The following PHACTR2 variants were observed in gnomAD, a reference collection of about 807,000 sequenced individuals.
PHACTR2 encodes phosphatase and actin regulator 2.
PHACTR2 carries 30 observed loss-of-function variants against 76.0 expected under a neutral mutation model. That is an observed-to-expected ratio of 0.39 (90% CI 0.30 to 0.54). The LOEUF is 0.54. PHACTR2 is among the 20% of genes least tolerant of loss of function. The probability of loss-of-function intolerance (pLI) is 0.61; values close to 1 mark genes in which losing one functional copy is unlikely to be tolerated. For missense variants in PHACTR2, 696 were observed against 781.1 expected (o/e 0.89, Z 1.30); for synonymous variants, 292 against 292.5 (o/e 1.00, Z 0.02).
At chr6:143,613,011 T>C (rs1477296800) in intron 1 of PHACTR2, among the ~76,000 whole-genome samples, 2 of 152,252 alleles carry the variant, frequency 1.3e-5, no homozygotes, top group African/African-American at 2.4e-5. Flanking sequence ...GACGGAGTCT[T>C]GCTCTGTCGC....
At chr6:143,622,646 A>T (rs1301652456) in intron 1 of PHACTR2, among the ~76,000 whole-genome samples, 1 of 152,258 alleles carries the variant, frequency 6.6e-6, no homozygotes, top group Non-Finnish European at 1.5e-5. Flanking sequence ...AGAGAAATGT[A>T]GCCAAATGCA....
chr6:143,564,196 C>CAT (rs59017997), intron 1 of PHACTR2, among the ~76,000 whole-genome samples: 8,094 of 39,898 alleles, frequency 0.2, 728 homozygotes, highest in East Asian at 0.27. Flanking sequence ...TGTGTGTGTG[C>CAT]ATATATATAT....
At position 143,782,344 on chromosome 6, in the gene PHACTR2, T is replaced by G. The variant is rs536905050; in HGVS notation, c.1646-875T>G. Among the ~76,000 whole-genome samples the G allele has an allele frequency of 6.6e-6, 1 of 152,338 alleles. No homozygotes were observed. The highest frequency in any genetic ancestry group is 2.4e-5 in the African/African-American group (1 of 41,576). ...TGCAAAAGAGTTCATAATAGCACTT[T>G]CTAAAACATAATCTTTCATAAGCAT... On this transcript the variant is annotated intron_variant, in intron 9 of 12. Coordinates refer to ENST00000440869, the MANE Select transcript of PHACTR2 (RefSeq NM_001100164.2). The surrounding 1 kb of genome is among the most constrained non-coding windows in gnomAD (Gnocchi z 4.6).
At chr6:143,569,831 T>A (rs1030182334) in intron 1 of PHACTR2, among the ~76,000 whole-genome samples, 2 of 152,206 alleles carry the variant, frequency 1.3e-5, no homozygotes, top group Non-Finnish European at 2.9e-5. Flanking sequence ...GTATAATTGA[T>A]GTGCAGATAT....
chr6:143,551,337 T>C (rs1388055642), intron 1 of PHACTR2, among the ~76,000 whole-genome samples: 1 of 152,204 alleles, frequency 6.6e-6, no homozygotes, highest in East Asian at 1.9e-4. Context: ...CAACAATAAC[T>C]AATAATTATA....
At position 143,765,283 on chromosome 6, in the gene PHACTR2, A is replaced by T. The variant is rs866869932; in HGVS notation, c.717A>T (p.Lys239Asn). ...REAAGSSHSK[K>N]TTGSKASASP... The stretch of plus-strand genomic sequence containing the variant: ...TAGCTGGCTCCTCTCATTCAAAAAA[A>T]ACAACTGGCTCTAAAGCATCAGCTT... Residue 239 changes from lysine (K) to asparagine (N), a missense_variant, in exon 6 of 13, where the codon AAA (lysine) becomes AAT (asparagine). This residue lies in a region of PHACTR2 where 460 missense variants were observed against 450.9 expected (regional missense o/e 1.02). Coordinates refer to ENST00000440869, the MANE Select transcript of PHACTR2 (RefSeq NM_001100164.2). This position sits in a 1 kb window ranked among gnomAD's most constrained non-coding sequence, Gnocchi z 4.1. 1.2e-6 allele frequency: 2 copies of T among 1,612,722 alleles called. No individual in the cohort carries two copies. Among genetic ancestry groups the T allele is most frequent in the Middle Eastern group, 3.3e-4 (2 of 6,050 alleles).
At chr6:143,676,442 G>T (rs56847923), upstream of PHACTR2, among the ~76,000 whole-genome samples, 14,186 of 152,146 alleles carry the variant, frequency 0.093, 2,161 homozygotes, top group African/African-American at 0.32. This position sits in a 1 kb window ranked among gnomAD's most constrained non-coding sequence, Gnocchi z 4.8. Flanking sequence ...ATGTGCAAAA[G>T]GTACTGTATA....
intron 1 of PHACTR2, among the ~76,000 whole-genome samples, chr6:143,563,806 G>A (rs931760424): frequency 2.7e-5 from 4 of 150,686 alleles, no homozygotes; most frequent in African/African-American, 9.8e-5. Context: ...GACCAGCCTG[G>A]GCAACATGGT....
chr6:143,669,856 G>A (rs1211600665), intron 1 of PHACTR2, among the ~76,000 whole-genome samples: 3 of 152,080 alleles, frequency 2.0e-5, no homozygotes, highest in Non-Finnish European at 2.9e-5. Flanking sequence ...TTACATTTAA[G>A]GTTAATATTG....
Position 143,818,840 on chromosome 6 carries a change from G to T in PHACTR2, c.1923-4834G>T, listed in dbSNP as rs1328912678. 6.6e-6 allele frequency among the ~76,000 whole-genome samples: 1 copy of T among 152,178 alleles called. No homozygotes were observed. The highest frequency in any genetic ancestry group is 1.5e-5 in the Non-Finnish European group (1 of 68,034). On this transcript the variant is annotated intron_variant, in intron 12 of 12. Transcript: ENST00000440869. The surrounding 1 kb of genome is among the most constrained non-coding windows in gnomAD (Gnocchi z 4.9). Reference sequence around the variant, plus strand: ...TTATGAGATTACAATTCAAGGTGAGGTTTCGGAGGGAACACAGCCAAACCA... The same window carrying T: ...TTATGAGATTACAATTCAAGGTGAGTTTTCGGAGGGAACACAGCCAAACCA...
intron 12 of PHACTR2, among the ~76,000 whole-genome samples, chr6:143,812,811 T>G (rs6920228): frequency 0.4 from 60,083 of 152,020 alleles, 12,330 homozygotes; most frequent in African/African-American, 0.49. Flanking sequence ...CATTAGATAG[T>G]ATCATTGCAT....
chr6:143,714,419 T>A (rs1461475108), intron 2 of PHACTR2, among the ~76,000 whole-genome samples: 45 of 152,258 alleles, frequency 3.0e-4, no homozygotes. Context: ...GATGTAACAC[T>A]AATTTATTAA....
In PHACTR2 at chr6:143,683,004, G is replaced by A. The variant is rs1777432612; in HGVS notation, c.46+4795G>A. 6.6e-6 allele frequency among the ~76,000 whole-genome samples: 1 copy of A among 152,136 alleles called. No homozygotes were observed. Among genetic ancestry groups the A allele is most frequent in the Admixed American group, 6.5e-5 (1 of 15,284 alleles). The stretch of plus-strand genomic sequence containing the variant: ...ATGTTACGTTAATTGATTTTTGGTT[G>A]TTAAACCAACCTTGCATTCCTAGGA... On this transcript the variant is annotated intron_variant, in intron 1 of 12. Transcript: ENST00000440869. The surrounding 1 kb of genome is among the most constrained non-coding windows in gnomAD (Gnocchi z 4.1).
chr6:143,778,881 A>G (rs890761449), intron 9 of PHACTR2, among the ~76,000 whole-genome samples: 1 of 152,180 alleles, frequency 6.6e-6, no homozygotes, highest in Non-Finnish European at 1.5e-5. Flanking sequence ...TTATCTGAGG[A>G]ACTGTTTCAT....
Position 143,618,685 on chromosome 6 carries a change from C to G in PHACTR2, c.13+10363C>G, listed in dbSNP as rs1283138722. Among the ~76,000 whole-genome samples, 1 of 152,102 alleles carries G rather than the reference C, an allele frequency of 6.6e-6. No individual in the cohort carries two copies. Among genetic ancestry groups the G allele is most frequent in the East Asian group, 1.9e-4 (1 of 5,176 alleles). On this transcript the variant is annotated intron_variant, in intron 1 of 11. Transcript: ENST00000305766. The surrounding 1 kb of genome is among the most constrained non-coding windows in gnomAD (Gnocchi z 5.2). ...CACCATTTCTCCCCAGACCCTCTCA[C>G]TTGCATGTCCCCTATTGCCATATTG...
At chr6:143,785,023 T>C (rs1379127957) in intron 10 of PHACTR2, among the ~76,000 whole-genome samples, 2 of 152,082 alleles carry the variant, frequency 1.3e-5, no homozygotes, top group African/African-American at 2.4e-5. Context: ...CCAAATCTCA[T>C]GTCCTCACAT....
upstream of PHACTR2, among the ~76,000 whole-genome samples, chr6:143,676,009 C>T (rs1291029258): frequency 3.3e-5 from 5 of 152,176 alleles, no homozygotes; most frequent in African/African-American, 1.2e-4. This position sits in a 1 kb window ranked among gnomAD's most constrained non-coding sequence, Gnocchi z 4.8. Context: ...AAAAAGGCCA[C>T]TTAAATGCCA....
intron 1 of PHACTR2, among the ~76,000 whole-genome samples, chr6:143,699,968 G>A (rs1287332394): frequency 6.6e-6 from 1 of 152,176 alleles, no homozygotes; most frequent in African/African-American, 2.4e-5. Flanking sequence ...CATGCCTGCA[G>A]GTTTCATGTC....
intron 1 of PHACTR2, among the ~76,000 whole-genome samples, chr6:143,649,917 A>C (rs1209389445): frequency 6.6e-6 from 1 of 152,218 alleles, no homozygotes; most frequent in Non-Finnish European, 1.5e-5. Context: ...TTTGCAGATG[A>C]CATGATCCCA....
Sources: allele counts gnomAD v4.1 joint callset (sites outside exome capture counted in the v4.1 genomes callset), GRCh38; gene constraint gnomAD v4.1.1; regional missense constraint gnomAD v4.1.1; non-coding constraint Gnocchi (gnomAD v3.1); transcripts MANE v1.5; gene names NCBI Gene and HGNC (gene_info 2026-07-23, HGNC 2026-07-21).